Variants in PDE4D observed in about 807,000 individuals in gnomAD.
The protein encoded by PDE4D is 3',5'-cyclic-AMP phosphodiesterase 4D.
PDE4D carries 24 observed loss-of-function variants against 87.4 expected under a neutral mutation model. That is an observed-to-expected ratio of 0.27 (90% CI 0.20 to 0.39). PDE4D has a LOEUF of 0.39. Among genes scored for constraint, PDE4D ranks in the 10% least tolerant of loss-of-function variants. The pLI, the probability that PDE4D is intolerant of heterozygous loss-of-function variation, is 1.00. For missense variants in PDE4D, 714 were observed against 1,041.0 expected (o/e 0.69, Z 4.32); for synonymous variants, 384 against 383.2 (o/e 1.00, Z -0.02).
At chr5:59,122,580 G>A (rs1290865952) in intron 5 of PDE4D, among the ~76,000 whole-genome samples, 4 of 152,136 alleles carry the variant, frequency 2.6e-5, no homozygotes, top group Non-Finnish European at 5.9e-5. Context: ...GATGGATACC[G>A]TAAATACCCC....
At chr5:59,806,607 T>C (rs1432418208) in intron 1 of PDE4D, among the ~76,000 whole-genome samples, 1 of 152,270 alleles carries the variant, frequency 6.6e-6, no homozygotes, top group African/African-American at 2.4e-5. Flanking sequence ...TAATCTCTTT[T>C]ATTCAAGTTT....
chr5:60,484,126 A>G (rs1308090370), intron 1 of PDE4D, among the ~76,000 whole-genome samples: 3 of 151,922 alleles, frequency 2.0e-5, no homozygotes, highest in Non-Finnish European at 4.4e-5. Context: ...AATAAGCATC[A>G]CCTCAAAACC....
chr5:59,801,517 G>T (rs1767124742), intron 1 of PDE4D, among the ~76,000 whole-genome samples: 1 of 152,058 alleles, frequency 6.6e-6, no homozygotes, highest in African/African-American at 2.4e-5. Flanking sequence ...AGTGAAGTTA[G>T]AAACAACTAG....
At chr5:59,103,774 G>A (rs1478720025) in intron 5 of PDE4D, among the ~76,000 whole-genome samples, 1 of 152,200 alleles carries the variant, frequency 6.6e-6, no homozygotes, top group East Asian at 1.9e-4. Context: ...CAGAAAATTA[G>A]CTTTATTTTG....
chr5:59,762,809 A>G (rs1762295954), intron 1 of PDE4D, among the ~76,000 whole-genome samples: 1 of 134,802 alleles, frequency 7.4e-6, no homozygotes, highest in South Asian at 2.2e-4. Context: ...TATATTCACA[A>G]CTCTATTCCT....
intron 1 of PDE4D, among the ~76,000 whole-genome samples, chr5:59,257,018 G>A (rs916970921): frequency 7.9e-5 from 12 of 152,056 alleles, no homozygotes; most frequent in Middle Eastern, 3.4e-3. Flanking sequence ...ATAAAGAGGG[G>A]GGATGAGCAT....
intron 1 of PDE4D, among the ~76,000 whole-genome samples, chr5:60,344,485 G>C (rs1369723932): frequency 6.6e-6 from 1 of 151,972 alleles, no homozygotes; most frequent in Non-Finnish European, 1.5e-5. Flanking sequence ...TTAGACAAAG[G>C]TATAACAGTG....
At chr5:59,946,289 C>A in intron 3 of PDE4D, among the ~76,000 whole-genome samples, 1 of 152,196 alleles carries the variant, frequency 6.6e-6, no homozygotes, top group East Asian at 1.9e-4. Flanking sequence ...GGTGGGCAAG[C>A]AACCTACCAC....
intron 2 of PDE4D, among the ~76,000 whole-genome samples, chr5:60,125,902 G>A (rs924402004): frequency 2.6e-5 from 4 of 152,220 alleles, no homozygotes; most frequent in Admixed American, 6.5e-5. Context: ...GTTAAAGACC[G>A]TCTTCCTAAA....
chr5:59,521,745 C>T (rs1812279915), intron 1 of PDE4D, among the ~76,000 whole-genome samples: 1 of 152,178 alleles, frequency 6.6e-6, no homozygotes, highest in Admixed American at 6.5e-5. Flanking sequence ...CCCATCTCTA[C>T]AGTTAAGTTT....
rs188829792 is a variant in PDE4D at position 59,566,078 on chromosome 5, A to T, written c.455+327090T>A. 1.3e-3 allele frequency among the ~76,000 whole-genome samples: 203 copies of T among 152,350 alleles called. 2 individuals carry two copies. In the Middle Eastern group the frequency reaches 0.024, roughly 18 times the overall value. ...ACTATACCACCTCTTAGCCAGAATG[A>T]TCTTTTCTAATTAGATTAGGAAATG... On this transcript the variant is annotated intron_variant, in intron 1 of 14. Coordinates refer to ENST00000340635, the MANE Select transcript of PDE4D (RefSeq NM_001104631.2).
At chr5:59,818,652 A>G (rs1769269713) in intron 1 of PDE4D, among the ~76,000 whole-genome samples, 2 of 152,182 alleles carry the variant, frequency 1.3e-5, no homozygotes, top group African/African-American at 4.8e-5. Flanking sequence ...TGAACTGCAA[A>G]GTCATTTGAA....
chr5:59,630,199 T>A (rs1175607296), intron 1 of PDE4D, among the ~76,000 whole-genome samples: 1 of 152,234 alleles, frequency 6.6e-6, no homozygotes, highest in Non-Finnish European at 1.5e-5. Context: ...CGTCTATATA[T>A]AATTTTAGTC....
intron 1 of PDE4D, among the ~76,000 whole-genome samples, chr5:59,451,275 C>T (rs1287717615): frequency 1.3e-5 from 2 of 152,200 alleles, no homozygotes; most frequent in Non-Finnish European, 2.9e-5. Context: ...TCAGCTTTGT[C>T]TTCAAATATT....
chr5:59,796,081 T>C (rs1166206156), intron 1 of PDE4D, among the ~76,000 whole-genome samples: 1 of 152,172 alleles, frequency 6.6e-6, no homozygotes, highest in African/African-American at 2.4e-5. Flanking sequence ...ATTTTGGCTG[T>C]TGTAAGCCAC....
chr5:60,118,421 C>T (rs1778362183), intron 2 of PDE4D, among the ~76,000 whole-genome samples: 1 of 152,080 alleles, frequency 6.6e-6, no homozygotes, highest in Non-Finnish European at 1.5e-5. Context: ...TTCTTGAATG[C>T]TTTTCAATTT....
chr5:60,510,903 A>G (rs995234893), intron 1 of PDE4D, among the ~76,000 whole-genome samples: 9 of 152,190 alleles, frequency 5.9e-5, no homozygotes, highest in African/African-American at 1.4e-4. Flanking sequence ...TGGAGGCACA[A>G]TTATCCTTGG....
chr5:59,326,855 C>CGAGATG (rs1775764303), intron 1 of PDE4D, among the ~76,000 whole-genome samples: 1 of 152,084 alleles, frequency 6.6e-6, no homozygotes, highest in South Asian at 2.1e-4. Flanking sequence ...TCCTAAATTC[C>CGAGATG]TTTCCAATTC....
intron 1 of PDE4D, among the ~76,000 whole-genome samples, chr5:60,395,255 A>G (rs1322156535): frequency 6.6e-6 from 1 of 152,150 alleles, no homozygotes; most frequent in Non-Finnish European, 1.5e-5. Flanking sequence ...TTGAAAACCA[A>G]TCAACCAGAG....
Sources: gnomAD v4.1 joint callset for allele counts (sites outside exome capture counted in the v4.1 genomes callset) on GRCh38, gnomAD v4.1.1 for gene constraint, MANE v1.5 for transcripts, NCBI Gene and HGNC (gene_info 2026-07-23, HGNC 2026-07-21) for gene names.